Variants in CNBD1 observed in about 807,000 individuals in gnomAD.
CNBD1 encodes cyclic nucleotide-binding domain-containing protein 1.
CNBD1 carries 71 observed loss-of-function variants against 54.4 expected under a neutral mutation model. The ratio of observed to expected loss-of-function variants is 1.30; its 90% CI spans 1.08 to 1.59. The LOEUF (loss-of-function observed/expected upper bound fraction) is 1.59, where lower values mean the gene tolerates loss of function less well. Among genes scored for constraint, CNBD1 ranks in the 40% most tolerant of loss-of-function variants. The pLI, the probability that CNBD1 is intolerant of heterozygous loss-of-function variation, is 0.00. For missense variants in CNBD1, 659 were observed against 518.0 expected (o/e 1.27, Z -2.64); for synonymous variants, 182 against 170.7 (o/e 1.07, Z -0.51).
chr8:87,074,742 C>T (rs1810833123), intron 4 of CNBD1, among the ~76,000 whole-genome samples: 1 of 152,142 alleles, frequency 6.6e-6, no homozygotes, highest in African/African-American at 2.4e-5. Flanking sequence ...TCTTCATTCT[C>T]CGTGGGTCAG....
At chr8:87,302,503 C>G (rs1356655378) in intron 8 of CNBD1, among the ~76,000 whole-genome samples, 28 of 149,174 alleles carry the variant, frequency 1.9e-4, no homozygotes, top group Admixed American at 5.4e-4. Flanking sequence ...ATAATAAGAG[C>G]TATTTATGAC....
At chr8:87,158,305 A>C (rs976954779) in intron 4 of CNBD1, among the ~76,000 whole-genome samples, 1 of 152,174 alleles carries the variant, frequency 6.6e-6, no homozygotes, top group African/African-American at 2.4e-5. Flanking sequence ...GTTCATGAGA[A>C]GATTAAGTGA....
chr8:87,312,791 CAA>C (rs1335609276), intron 8 of CNBD1, among the ~76,000 whole-genome samples: 3 of 151,680 alleles, frequency 2.0e-5, no homozygotes, highest in African/African-American at 4.8e-5. Flanking sequence ...TTTCTAAAAA[CAA>C]GAGAAATATT....
At chr8:86,968,622 A>G (rs545023837) in intron 4 of CNBD1, among the ~76,000 whole-genome samples, 3 of 152,308 alleles carry the variant, frequency 2.0e-5, no homozygotes, top group Admixed American at 2.0e-4. Flanking sequence ...AAGGGCAGAT[A>G]TTTGGGGAAG....
intron 4 of CNBD1, among the ~76,000 whole-genome samples, chr8:86,993,036 T>C (rs939014383): frequency 6.6e-6 from 1 of 152,166 alleles, no homozygotes; most frequent in African/African-American, 2.4e-5. Context: ...GGACCATGTC[T>C]TCAAATATAT....
intron 2 of CNBD1, among the ~76,000 whole-genome samples, chr8:87,394,880 G>C (rs947011224): frequency 9.9e-5 from 15 of 151,820 alleles, no homozygotes; most frequent in African/African-American, 3.1e-4. Context: ...ACAAAGAAAA[G>C]TCTCTGTTAC....
At chr8:87,001,788 G>A (rs1245414521) in intron 4 of CNBD1, among the ~76,000 whole-genome samples, 1 of 151,908 alleles carries the variant, frequency 6.6e-6, no homozygotes, top group East Asian at 1.9e-4. Context: ...TTTAACTGGG[G>A]TTCATTTCAA....
At chr8:87,302,110 AAG>A (rs1467287857) in intron 8 of CNBD1, among the ~76,000 whole-genome samples, 2 of 152,208 alleles carry the variant, frequency 1.3e-5, no homozygotes, top group African/African-American at 4.8e-5. Context: ...TCAATAGAAA[AAG>A]AGGGAATCCT....
chr8:86,939,715 C>A lies in CNBD1; in HGVS notation c.392C>A (p.Thr131Lys). 1 of 1,586,198 alleles carries A rather than the reference C, an allele frequency of 6.3e-7. No homozygotes were observed. Among genetic ancestry groups the A allele is most frequent in the Non-Finnish European group, 8.6e-7 (1 of 1,163,772 alleles). Reference sequence around the variant, plus strand: ...ATTTTATATAGACCAAAAAGAGCCACAGAGAAATTTGAAGAATTCCTAGCT... The same window carrying A: ...ATTTTATATAGACCAAAAAGAGCCAAAGAGAAATTTGAAGAATTCCTAGCT... Reference protein sequence around the residue: ...GHILYRPKRATEKFEEFLAIL... With the variant: ...GHILYRPKRAKEKFEEFLAIL... Residue 131 changes from threonine (T) to lysine (K), a missense_variant, in exon 4 of 11, where the codon ACA becomes AAA. Thr to Lys is a moderately conservative substitution (Grantham distance 78). Transcript: ENST00000518476.
intron 8 of CNBD1, among the ~76,000 whole-genome samples, chr8:87,333,899 G>T (rs1809887483): frequency 6.6e-6 from 1 of 152,160 alleles, no homozygotes; most frequent in Non-Finnish European, 1.5e-5. Context: ...AGTTAGGGAG[G>T]AGTCCCTCCT....
chr8:87,227,724 G>T (rs1814537442), intron 5 of CNBD1, among the ~76,000 whole-genome samples: 1 of 148,838 alleles, frequency 6.7e-6, no homozygotes, highest in Non-Finnish European at 1.5e-5. Flanking sequence ...GTGTCTTGGA[G>T]TTGCTCTTCT....
At chr8:87,099,034 CAA>C (rs11402011) in intron 4 of CNBD1, among the ~76,000 whole-genome samples, 21 of 23,058 alleles carry the variant, frequency 9.1e-4, no homozygotes, top group East Asian at 3.6e-3. Flanking sequence ...GACTGTGTCT[CAA>C]AAAAAAAAAA....
intron 2 of CNBD1, among the ~76,000 whole-genome samples, chr8:87,397,908 A>G (rs2130974834): frequency 6.6e-6 from 1 of 152,070 alleles, no homozygotes; most frequent in South Asian, 2.1e-4. Context: ...TCTCTGCACA[A>G]GCTCTCTCTT....
At chr8:87,078,367 A>G (rs374232035) in intron 4 of CNBD1, among the ~76,000 whole-genome samples, 4 of 152,224 alleles carry the variant, frequency 2.6e-5, no homozygotes, top group African/African-American at 9.6e-5. Flanking sequence ...AGCTGTGTGA[A>G]TGTTGCTAGT....
chr8:87,407,820 A>G (rs571411715), intron 2 of CNBD1, among the ~76,000 whole-genome samples: 2 of 152,098 alleles, frequency 1.3e-5, no homozygotes, highest in African/African-American at 2.4e-5. Flanking sequence ...CTACTTATTT[A>G]CTCATTTGAA....
intron 2 of CNBD1, among the ~76,000 whole-genome samples, chr8:86,902,527 G>A (rs757631172): frequency 3.3e-5 from 5 of 152,016 alleles, no homozygotes; most frequent in Non-Finnish European, 7.4e-5. Context: ...GCTTGGACAC[G>A]ATAAGCATTT....
Position 87,301,498 on chromosome 8 carries a change from A to G in CNBD1, c.1042+14827A>G, listed in dbSNP as rs1050375473. On this transcript the variant is annotated intron_variant, in intron 8 of 10. Transcript: ENST00000518476. ...CAACATATCAAAAAGATAATCTGCC[A>G]TGATAACGTGGGTTTCATACCAAAG... Among the ~76,000 whole-genome samples the G allele has an allele frequency of 2.6e-5, 4 of 152,328 alleles. No homozygotes were observed. The East Asian group carries it at 7.7e-4, about 29-fold the overall frequency.
chr8:87,054,860 G>A (rs1586225793), intron 4 of CNBD1, among the ~76,000 whole-genome samples: 1 of 152,262 alleles, frequency 6.6e-6, no homozygotes, highest in East Asian at 1.9e-4. Context: ...GGGTGAGCAG[G>A]GTTGATAAAG....
At chr8:87,054,293 C>T (rs1463936588) in intron 4 of CNBD1, among the ~76,000 whole-genome samples, 1 of 152,188 alleles carries the variant, frequency 6.6e-6, no homozygotes, top group Non-Finnish European at 1.5e-5. Flanking sequence ...CCACAACATG[C>T]CTCCCCACAA....
Sources: allele counts gnomAD v4.1 joint callset (sites outside exome capture counted in the v4.1 genomes callset), GRCh38; gene constraint gnomAD v4.1.1; transcripts MANE v1.5; gene names NCBI Gene and HGNC (gene_info 2026-07-23, HGNC 2026-07-21).